Variants in ZNRF1 observed in about 807,000 individuals in gnomAD.
The protein encoded by ZNRF1 is E3 ubiquitin-protein ligase ZNRF1.
A neutral mutation model predicts 18.4 loss-of-function variants in ZNRF1; 3 were observed. The ratio of observed to expected loss-of-function variants is 0.16; its 90% CI spans 0.07 to 0.42. The LOEUF (loss-of-function observed/expected upper bound fraction) is 0.42. ZNRF1 is among the 10% of genes least tolerant of loss of function. The pLI, the probability that ZNRF1 is intolerant of heterozygous loss-of-function variation, is 0.99. For synonymous variants in ZNRF1, 157 were observed against 144.2 expected, an observed-to-expected ratio of 1.09 and a Z score of -0.64; for missense variants, 310 against 329.8, an observed-to-expected ratio of 0.94 and a Z score of 0.47.
chr16:74,999,846 A>G lies in ZNRF1; in HGVS notation c.175A>G (p.Met59Val). 6.7e-7 allele frequency: 1 copy of G among 1,493,896 alleles called. No individual in the cohort carries two copies. The allele number at this position is 1,493,896 out of a possible 1,614,324, so 92.5% of individuals were successfully genotyped here. A position where few individuals can be genotyped will look rare whatever the true frequency, so the allele number is the denominator to read the frequency against. The part of the protein sequence containing the change: ...RSVSSVAGMG[M>V]DPSTAGGVPF... ...GGTCAGCTCGGTGGCAGGCATGGGC[A>G]TGGACCCCAGCACGGCCGGGGGGGT... The change falls in exon 1 of 5, where the codon ATG becomes GTG. Residue 59 changes from methionine to valine, a missense_variant. By Grantham distance (21) the Met-to-Val change is conservative (BLOSUM62 1). This residue lies in a region of ZNRF1 where 293 missense variants were observed against 291.2 expected (regional missense o/e 1.01). Coordinates refer to ENST00000335325, the MANE Select transcript of ZNRF1 (RefSeq NM_032268.5).
intron 1 of ZNRF1, among the ~76,000 whole-genome samples, chr16:75,033,060 A>G (rs1382526576): frequency 2.6e-5 from 4 of 152,114 alleles, no homozygotes; most frequent in Admixed American, 6.5e-5. Context: ...TGTAGAGTCT[A>G]TTTCTGGACT....
intron 1 of ZNRF1, among the ~76,000 whole-genome samples, chr16:75,035,076 C>T (rs906110365): frequency 6.6e-5 from 10 of 152,140 alleles, no homozygotes; most frequent in Middle Eastern, 3.4e-3. Flanking sequence ...CAGTGCAGTG[C>T]GTGAGTTCCA....
chr16:75,042,906 C>T (rs1171351361), intron 1 of ZNRF1, among the ~76,000 whole-genome samples: 1 of 152,160 alleles, frequency 6.6e-6, no homozygotes, highest in East Asian at 1.9e-4. Context: ...GATGTATTAG[C>T]GTTCTTCCAG....
intron 1 of ZNRF1, among the ~76,000 whole-genome samples, chr16:75,045,353 T>A (rs2035501510): frequency 6.6e-6 from 1 of 152,098 alleles, no homozygotes; most frequent in African/African-American, 2.4e-5. Context: ...TTTTTTTCTA[T>A]TAGGAAAAGG....
chr16:75,016,576 C>G (rs1283961322), intron 1 of ZNRF1, among the ~76,000 whole-genome samples: 1 of 151,898 alleles, frequency 6.6e-6, no homozygotes, highest in Non-Finnish European at 1.5e-5. Flanking sequence ...TGCTCTGTCA[C>G]CCAGGCCGGA....
chr16:75,017,149 A>G (rs1290631211), intron 1 of ZNRF1, among the ~76,000 whole-genome samples: 1 of 152,220 alleles, frequency 6.6e-6, no homozygotes, highest in Non-Finnish European at 1.5e-5. Flanking sequence ...GTTACAGACA[A>G]CAACAGTAAA....
rs1197982825 is a variant in ZNRF1, at chr16:74,999,144, C to G, written c.-528C>G. The G allele has an allele frequency of 1.4e-5, 2 of 147,098 alleles. No homozygotes were observed. The highest frequency in any genetic ancestry group is 3.0e-5 in the Non-Finnish European group (2 of 66,118). The allele number at this position is 147,098 out of a possible 1,614,324, so 9.1% of individuals were successfully genotyped here. ...GCGACGCGACGCGACCGCGGCTTCC[C>G]GAGCTGCGCCTGGCCGCCCAGCGCC... is the stretch of plus-strand genomic sequence containing the variant. On this transcript the variant is annotated 5_prime_UTR_variant, in exon 1 of 5. Transcript: ENST00000335325.
chr16:75,022,545 G>T (rs1268801799), intron 1 of ZNRF1, among the ~76,000 whole-genome samples: 1 of 150,432 alleles, frequency 6.6e-6, no homozygotes, highest in African/African-American at 2.5e-5. Flanking sequence ...CAGCCTGGGC[G>T]ACAAAGCGAG....
At chr16:75,100,869 T>C (rs2036247148) in intron 2 of ZNRF1, among the ~76,000 whole-genome samples, 2 of 152,226 alleles carry the variant, frequency 1.3e-5, no homozygotes, top group Admixed American at 1.3e-4. Context: ...CTATGCTGTT[T>C]TTCCTCCCAT....
rs1199772076 is a variant in ZNRF1 at position 75,078,799 on chromosome 16, T to C, written c.425-14773T>C. On this transcript the variant is annotated intron_variant, in intron 1 of 4. Coordinates refer to ENST00000335325, the MANE Select transcript of ZNRF1 (RefSeq NM_032268.5). ...TTGTTTGTGAGGACCAATACAGATATTGCTTCCTGGCTTAACATTTCTGTC... is the reference window on the plus strand; with the variant it reads ...TTGTTTGTGAGGACCAATACAGATACTGCTTCCTGGCTTAACATTTCTGTC... Among the ~76,000 whole-genome samples, 11 of 152,352 alleles carry C rather than the reference T, an allele frequency of 7.2e-5. No individual in the cohort carries two copies. In the East Asian group the frequency reaches 1.7e-3, roughly 24 times the overall value.
chr16:75,013,750 A>G (rs1419880941), intron 1 of ZNRF1, among the ~76,000 whole-genome samples: 1 of 152,234 alleles, frequency 6.6e-6, no homozygotes, highest in African/African-American at 2.4e-5. Context: ...TGTACATTTC[A>G]GGAACTCAAA....
At chr16:75,078,360 G>A (rs531020705) in intron 1 of ZNRF1, among the ~76,000 whole-genome samples, 9 of 144,512 alleles carry the variant, frequency 6.2e-5, no homozygotes, top group South Asian at 2.2e-4. Flanking sequence ...GTGCAATGGC[G>A]CAATCTCTGC....
chr16:75,005,680 C>T (rs2034908201), intron 1 of ZNRF1, among the ~76,000 whole-genome samples: 1 of 152,098 alleles, frequency 6.6e-6, no homozygotes, highest in Admixed American at 6.5e-5. Context: ...ATATACATAC[C>T]TTTGATAAAG....
chr16:75,020,013 G>C (rs764631909), intron 1 of ZNRF1, among the ~76,000 whole-genome samples: 2 of 152,084 alleles, frequency 1.3e-5, no homozygotes, highest in Non-Finnish European at 2.9e-5. Context: ...GCCCAGCCAG[G>C]TGTTCTTGAT....
rs557121666 is a variant in ZNRF1 at position 75,014,031 on chromosome 16, G to T, written c.424+13936G>T. ...TTTTTAGTAGAGGCCGTGTTTCACCGTGTTGGCCAGGCCGGTCTTGAACTC... is the reference window on the plus strand; with the variant it reads ...TTTTTAGTAGAGGCCGTGTTTCACCTTGTTGGCCAGGCCGGTCTTGAACTC... On this transcript the variant is annotated intron_variant, in intron 1 of 4. Transcript: ENST00000335325. 2.9e-4 allele frequency among the ~76,000 whole-genome samples: 44 copies of T among 151,850 alleles called. 2 individuals carry two copies. In the South Asian group the frequency reaches 8.9e-3, roughly 31 times the overall value.
intron 1 of ZNRF1, among the ~76,000 whole-genome samples, chr16:75,040,042 C>CTTTTTTTTTTTTTTTTTTTTT (rs57122648): frequency 3.7e-4 from 29 of 78,888 alleles, no homozygotes; most frequent in African/African-American, 6.6e-4. Flanking sequence ...TCTTTTCTTT[C>CTTTTTTTTTTTTTTTTTTTTT]TTTTTTTTTT....
intron 1 of ZNRF1, among the ~76,000 whole-genome samples, chr16:75,039,787 A>C (rs1017207735): frequency 6.6e-6 from 1 of 152,180 alleles, no homozygotes; most frequent in East Asian, 1.9e-4. Context: ...AGCACTGTTA[A>C]TAGAGAAATC....
intron 1 of ZNRF1, among the ~76,000 whole-genome samples, chr16:75,047,385 C>G (rs2035529072): frequency 6.6e-6 from 1 of 152,304 alleles, no homozygotes; most frequent in African/African-American, 2.4e-5. Flanking sequence ...GTTGCCCAGG[C>G]TGGTCTTGAA....
rs1411990056 is a variant in ZNRF1 at position 75,055,324 on chromosome 16, C to G, written c.425-38248C>G. On this transcript the variant is annotated intron_variant, in intron 1 of 4. Coordinates refer to ENST00000335325, the MANE Select transcript of ZNRF1 (RefSeq NM_032268.5). ...AGTCTCGCTGTATCACCCAGGCTTACTAGAATTTAGAACCACTCCTTCATT... is the reference window on the plus strand; with the variant it reads ...AGTCTCGCTGTATCACCCAGGCTTAGTAGAATTTAGAACCACTCCTTCATT... Among the ~76,000 whole-genome samples the G allele has an allele frequency of 2.0e-5, 3 of 152,174 alleles. No individual in the cohort carries two copies. The East Asian group carries it at 5.8e-4, about 29-fold the overall frequency.
Sources: gnomAD v4.1 joint callset for allele counts (sites outside exome capture counted in the v4.1 genomes callset) on GRCh38, gnomAD v4.1.1 for gene constraint, gnomAD v4.1.1 regional missense constraint, MANE v1.5 for transcripts, NCBI Gene and HGNC (gene_info 2026-07-23, HGNC 2026-07-21) for gene names.